SPTLC3: variants seen among roughly 807,000 people sequenced by gnomAD.
SPTLC3 encodes the protein serine palmitoyltransferase 3.
A neutral mutation model predicts 59.3 loss-of-function variants in SPTLC3; 36 were observed. The ratio of observed to expected loss-of-function variants is 0.61; its 90% CI spans 0.47 to 0.80. The LOEUF is 0.80. Among genes scored for constraint, SPTLC3 ranks in the 30% least tolerant of loss-of-function variants. The pLI is 0.00. For missense variants in SPTLC3, 625 were observed against 685.1 expected (o/e 0.91, Z 0.98); for synonymous variants, 257 against 240.8 (o/e 1.07, Z -0.62).
At chr20:13,120,604 A>G (rs1990849571) in intron 8 of SPTLC3, among the ~76,000 whole-genome samples, 1 of 152,212 alleles carries the variant, frequency 6.6e-6, no homozygotes, top group Admixed American at 6.5e-5. Context: ...GGAAATCTTT[A>G]TGGAATGGGT....
At chr20:13,081,101 A>G (rs62201748) in intron 4 of SPTLC3, among the ~76,000 whole-genome samples, 28,389 of 152,112 alleles carry the variant, frequency 0.19, 2,795 homozygotes, top group East Asian at 0.28. Context: ...TTTGGGCCGA[A>G]GTTGAGGACA....
chr20:13,134,098 G>A (rs1011816895), intron 9 of SPTLC3, among the ~76,000 whole-genome samples: 1 of 152,200 alleles, frequency 6.6e-6, no homozygotes, highest in Non-Finnish European at 1.5e-5. Flanking sequence ...TCACGGTCAG[G>A]TGTACGTACC....
rs112088036 is a variant in SPTLC3 at position 13,020,347 on chromosome 20, T to TAAAA, written c.117+10972_117+10975dup. On this transcript the variant is annotated intron_variant, in intron 1 of 11. Transcript: ENST00000399002. Reference sequence around the variant, plus strand: ...GGAAACATGGCAAGACCCCATTTCTTAAAAAAAAAAAAGAAAAAAAAGAAA... The same window carrying TAAAA: ...GGAAACATGGCAAGACCCCATTTCTTAAAAAAAAAAAAAAAAGAAAAAAAAGAAA... Among the ~76,000 whole-genome samples the TAAAA allele has an allele frequency of 1.9e-4, 18 of 95,094 alleles. No individual in the cohort carries two copies. The Admixed American group carries it at 2.0e-3, about 11-fold the overall frequency. 62.4% of individuals were successfully genotyped at this position (95,094 alleles called of 152,430 possible).
chr20:13,137,853 C>G (rs1314857884), intron 9 of SPTLC3, among the ~76,000 whole-genome samples: 2 of 152,168 alleles, frequency 1.3e-5, no homozygotes, highest in African/African-American at 4.8e-5. Flanking sequence ...ATATTTGCCC[C>G]TTCACCACAC....
chr20:13,074,611 T>A, intron 4 of SPTLC3, 114 bp downstream of exon 4: 1 of 1,171,640 alleles, frequency 8.5e-7, no homozygotes, highest in African/African-American at 1.6e-5. Context: ...TGTTATAAAC[T>A]GCAGAAAGAA....
chr20:13,092,642 A>C (rs6041848), intron 5 of SPTLC3, among the ~76,000 whole-genome samples: 60,768 of 151,878 alleles, frequency 0.4, 12,376 homozygotes, highest in Non-Finnish European at 0.45. Flanking sequence ...GATAACTCCT[A>C]AATGTTCCGC....
At chr20:13,164,523 ACATT>A in intron 11 of SPTLC3, 1 of 565,884 alleles carries the variant, frequency 1.8e-6, no homozygotes, top group Non-Finnish European at 3.2e-6. Context: ...AATAAAATAA[ACATT>A]CATAGTATGG....
intron 1 of SPTLC3, among the ~76,000 whole-genome samples, chr20:13,024,274 C>T (rs1425067060): frequency 2.0e-5 from 3 of 152,130 alleles, no homozygotes; most frequent in Non-Finnish European, 4.4e-5. Flanking sequence ...ATGCCCTTTC[C>T]TCCACCATTT....
rs182360664 is a variant in SPTLC3, at chr20:13,011,494, G to A, written c.117+2110G>A. 8.8e-4 allele frequency among the ~76,000 whole-genome samples: 134 copies of A among 152,200 alleles called. 1 individual carries two copies. The highest frequency in any genetic ancestry group is 3.2e-3 in the African/African-American group (131 of 41,510). On this transcript the variant is annotated intron_variant, in intron 1 of 11. Transcript: ENST00000399002. ...ACAGTTATCTCTTTTATACATTAGG[G>A]GACCCTACAAGATTCTGTTGACAAA... is the stretch of plus-strand genomic sequence containing the variant.
intron 6 of SPTLC3, among the ~76,000 whole-genome samples, chr20:13,098,191 T>TGAGAATACCCTATTCTTAAAGGG (rs1395401634): frequency 6.6e-6 from 1 of 152,186 alleles, no homozygotes; most frequent in East Asian, 1.9e-4. Context: ...TGTAATTGTA[T>TGAGAATACCCTATTCTTAAAGGG]GAGAATACCC....
intron 2 of SPTLC3, among the ~76,000 whole-genome samples, chr20:13,061,626 A>G (rs1460533539): frequency 6.6e-6 from 1 of 152,226 alleles, no homozygotes; most frequent in Non-Finnish European, 1.5e-5. Context: ...TGCTCTGGAC[A>G]AAACCTGTGA....
intron 9 of SPTLC3, among the ~76,000 whole-genome samples, chr20:13,141,971 C>T (rs1430933964): frequency 6.6e-6 from 1 of 152,206 alleles, no homozygotes; most frequent in Non-Finnish European, 1.5e-5. Context: ...TGTGTGACAA[C>T]TTGGGTTTGT....
intron 1 of SPTLC3, among the ~76,000 whole-genome samples, chr20:13,032,540 G>T (rs751797977): frequency 1.6e-4 from 24 of 152,272 alleles, no homozygotes; most frequent in Admixed American, 4.6e-4. Flanking sequence ...AGAGGCCCAT[G>T]CAAGGCCATG....
At chr20:13,015,808 A>C (rs1310481289) in intron 1 of SPTLC3, among the ~76,000 whole-genome samples, 1 of 152,162 alleles carries the variant, frequency 6.6e-6, no homozygotes, top group African/African-American at 2.4e-5. Flanking sequence ...ATTATAGGTA[A>C]TTGTTAATCT....
intron 1 of SPTLC3, among the ~76,000 whole-genome samples, chr20:13,048,625 G>T (rs938157019): frequency 9.2e-5 from 14 of 152,152 alleles, no homozygotes; most frequent in African/African-American, 3.4e-4. Context: ...CCTGGTTAAA[G>T]TAACGACCCC....
At chr20:13,090,770 ACT>A (rs2122625074) in intron 4 of SPTLC3, among the ~76,000 whole-genome samples, 1 of 152,316 alleles carries the variant, frequency 6.6e-6, no homozygotes, top group South Asian at 2.1e-4. Context: ...TACAGCCTGT[ACT>A]TTTTTAGATG....
At chr20:13,113,450 A>G (rs1322795684) in intron 7 of SPTLC3, among the ~76,000 whole-genome samples, 2 of 152,168 alleles carry the variant, frequency 1.3e-5, no homozygotes, top group African/African-American at 4.8e-5. Context: ...CAAAGAGAGC[A>G]GTCAGCCAAA....
At chr20:13,117,779 G>A (rs1351400980) in intron 8 of SPTLC3, 54 bp downstream of exon 8, 23 of 1,476,152 alleles carry the variant, frequency 1.6e-5, no homozygotes, top group East Asian at 6.8e-5. Context: ...TGGGGATGCC[G>A]TGTGTAGGGC....
intron 1 of SPTLC3, among the ~76,000 whole-genome samples, chr20:13,021,527 TC>T (rs1167554409): frequency 9.7e-6 from 1 of 103,238 alleles, no homozygotes; most frequent in Admixed American, 1.2e-4. Flanking sequence ...GTAAATCACC[TC>T]CCCCCACCAC....
Sources: gnomAD v4.1 joint callset for allele counts (sites outside exome capture counted in the v4.1 genomes callset) on GRCh38, gnomAD v4.1.1 for gene constraint, MANE v1.5 for transcripts, NCBI Gene and HGNC (gene_info 2026-07-23, HGNC 2026-07-21) for gene names.